Variants in GABRA3 observed in about 807,000 individuals in gnomAD.
GABRA3 encodes gamma-aminobutyric acid type A receptor subunit alpha3.
A neutral mutation model predicts 30.1 loss-of-function variants in GABRA3; 10 were observed. That is an observed-to-expected ratio of 0.33 (90% confidence interval 0.20 to 0.56). The LOEUF (loss-of-function observed/expected upper bound fraction) is 0.56. Among genes scored for constraint, GABRA3 ranks in the 20% least tolerant of loss-of-function variants. The pLI is 0.89. For synonymous variants in GABRA3, 151 were observed against 146.8 expected, an observed-to-expected ratio of 1.03 and a Z score of -0.21; for missense variants, 233 against 392.0, an observed-to-expected ratio of 0.59 and a Z score of 3.42.
intron 3 of GABRA3, among the ~76,000 whole-genome samples, chrX:152,301,440 T>C (rs1223919536): frequency 1.8e-5 from 2 of 112,060 alleles, no homozygotes; most frequent in Non-Finnish European, 3.8e-5. Flanking sequence ...ACAACAGAAA[T>C]GGAAATTCTG....
At chrX:152,370,442 T>C (rs7065557) in intron 1 of GABRA3, among the ~76,000 whole-genome samples, 151 of 111,898 alleles carry the variant, frequency 1.3e-3, no homozygotes, top group African/African-American at 4.7e-3. Flanking sequence ...CCACCTAGCC[T>C]CAAAGCACTG....
intron 3 of GABRA3, among the ~76,000 whole-genome samples, chrX:152,329,469 A>G (rs1003079312): frequency 8.9e-6 from 1 of 112,070 alleles, no homozygotes; most frequent in African/African-American, 3.2e-5. Flanking sequence ...ACAGTAACCA[A>G]AACAGCATGG....
intron 1 of GABRA3, among the ~76,000 whole-genome samples, chrX:152,419,257 G>A (rs113897695): frequency 6.6e-4 from 73 of 110,662 alleles, no homozygotes; most frequent in Non-Finnish European, 1.0e-3. Context: ...AAACCTGCAC[G>A]TTGTGCACAT....
intron 3 of GABRA3, among the ~76,000 whole-genome samples, chrX:152,316,346 G>T (rs1184636671): frequency 9.0e-6 from 1 of 111,721 alleles, no homozygotes; most frequent in East Asian, 2.8e-4. Flanking sequence ...AAGACTCCAA[G>T]AAGTTTGGGA....
chrX:152,356,388 C>T (rs1233307752), intron 2 of GABRA3, among the ~76,000 whole-genome samples: 1 of 111,217 alleles, frequency 9.0e-6, no homozygotes, highest in East Asian at 2.8e-4. Flanking sequence ...TAAAATAATG[C>T]AGTAATGGAT....
chrX:152,284,834 A>G, intron 3 of GABRA3, 99 bp from the exon 4 acceptor site: 1 of 518,585 alleles, frequency 1.9e-6, no homozygotes, highest in Admixed American at 3.6e-5. Context: ...CCAACTTACT[A>G]CTTCTGAGAA....
chrX:152,380,904 G>A (rs776949130), intron 1 of GABRA3, among the ~76,000 whole-genome samples: 2 of 111,840 alleles, frequency 1.8e-5, no homozygotes, highest in South Asian at 7.5e-4. Context: ...TCTAGTGAAA[G>A]ATGTTTGGGT....
intron 1 of GABRA3, among the ~76,000 whole-genome samples, chrX:152,438,988 T>C (rs753193832): frequency 9.0e-6 from 1 of 110,651 alleles, no homozygotes; most frequent in Non-Finnish European, 1.9e-5. Context: ...AATAATAATA[T>C]ATCAATATCA....
In GABRA3 at chrX:152,255,843, A is replaced by G. The variant is rs757721724; in HGVS notation, c.486T>C (p.His162=). 1 of 1,211,483 alleles carries G rather than the reference A, an allele frequency of 8.3e-7. No individual in the cohort carries two copies. The highest frequency in any genetic ancestry group is 1.1e-6 in the Non-Finnish European group (1 of 895,362). ...FFHNGKKSVA[H]NMTTPNKLLR... ...GCAGCTTGTTGGGCGTGGTCATGTTATGAGCCACTGATTTCTTGCCATTGT... is the reference window on the plus strand; with the variant it reads ...GCAGCTTGTTGGGCGTGGTCATGTTGTGAGCCACTGATTTCTTGCCATTGT... The change falls in exon 5 of 10, where the codon CAT becomes CAC. Residue 162 remains histidine (H), a synonymous_variant. Coordinates refer to ENST00000370314, the MANE Select transcript of GABRA3 (RefSeq NM_000808.4).
chrX:152,408,451 AC>A (rs1929988467), intron 1 of GABRA3, among the ~76,000 whole-genome samples: 1 of 111,918 alleles, frequency 8.9e-6, no homozygotes, highest in Admixed American at 9.5e-5. Flanking sequence ...TGAAAAAGAA[AC>A]AAAGAAAGTA....
At chrX:152,253,801 G>A (rs73621194) in intron 5 of GABRA3, among the ~76,000 whole-genome samples, 3,395 of 111,199 alleles carry the variant, frequency 0.031, 86 homozygotes, top group African/African-American at 0.079. Context: ...TGTCTAGAAC[G>A]TCCTTCCTCT....
At chrX:152,320,536 T>G (rs1186515724) in intron 3 of GABRA3, among the ~76,000 whole-genome samples, 1 of 110,578 alleles carries the variant, frequency 9.0e-6, no homozygotes, top group African/African-American at 3.3e-5. Flanking sequence ...GATGCAAAGG[T>G]GTAAGAATGA....
intron 1 of GABRA3, among the ~76,000 whole-genome samples, chrX:152,446,286 A>G (rs1268897168): frequency 2.7e-5 from 3 of 111,910 alleles, no homozygotes; most frequent in Admixed American, 9.4e-5. Context: ...ATGAATCACA[A>G]TTTATGACTA....
At chrX:152,207,007 C>T (rs1211849504) in intron 7 of GABRA3, among the ~76,000 whole-genome samples, 1 of 111,165 alleles carries the variant, frequency 9.0e-6, no homozygotes, top group Admixed American at 9.5e-5. Flanking sequence ...CTCAGTATTG[C>T]CTTTGTCAAG....
rs180856115 is a variant in GABRA3, at chrX:152,326,169, A to T, written c.262+19412T>A. Among the ~76,000 whole-genome samples, 4 of 111,441 alleles carry T rather than the reference A, an allele frequency of 3.6e-5. No homozygotes were observed. In the East Asian group the frequency reaches 1.1e-3, roughly 32 times the overall value. On this transcript the variant is annotated intron_variant, in intron 3 of 9. Coordinates refer to ENST00000370314, the MANE Select transcript of GABRA3 (RefSeq NM_000808.4). ...AGTTTAGAGAAAAAAGAGTAAAAAG[A>T]AATGAACAAAGCCTCCAAGAAATAT...
At chrX:152,253,800 C>A (rs986972339) in intron 5 of GABRA3, among the ~76,000 whole-genome samples, 1 of 111,526 alleles carries the variant, frequency 9.0e-6, no homozygotes. Context: ...CTGTCTAGAA[C>A]GTCCTTCCTC....
intron 1 of GABRA3, among the ~76,000 whole-genome samples, chrX:152,369,885 G>C (rs752910684): frequency 9.0e-6 from 1 of 111,393 alleles, no homozygotes; most frequent in South Asian, 3.8e-4. Flanking sequence ...TAAATGAATG[G>C]TATTGTAACT....
In GABRA3 at chrX:152,242,447, C is replaced by T. The variant is rs755919395; in HGVS notation, c.551+13331G>A. Among the ~76,000 whole-genome samples the T allele has an allele frequency of 2.0e-3, 220 of 111,708 alleles. 1 individual carries two copies. The highest frequency in any genetic ancestry group is 9.3e-3 in the Middle Eastern group (2 of 215). ...ATCAACCTAAAAAGCTTCTGCACATCCAAGGAAACAGTTAACACAGTGAAG... is the reference window on the plus strand; with the variant it reads ...ATCAACCTAAAAAGCTTCTGCACATTCAAGGAAACAGTTAACACAGTGAAG... On this transcript the variant is annotated intron_variant, in intron 5 of 9. Transcript: ENST00000370314.
At chrX:152,295,268 C>T (rs1320256813) in intron 3 of GABRA3, among the ~76,000 whole-genome samples, 2 of 112,782 alleles carry the variant, frequency 1.8e-5, no homozygotes, top group Non-Finnish European at 3.8e-5. Context: ...GAAGTTTCTG[C>T]TGCCTTTTGT....
Sources: allele counts gnomAD v4.1 joint callset (sites outside exome capture counted in the v4.1 genomes callset), GRCh38; gene constraint gnomAD v4.1.1; transcripts MANE v1.5; gene names NCBI Gene and HGNC (gene_info 2026-07-23, HGNC 2026-07-21).